MYO3B: variants seen among roughly 807,000 people sequenced by gnomAD.
MYO3B encodes myosin IIIB.
In MYO3B, 156 loss-of-function variants were observed where a neutral mutation model predicts 174.6. The ratio of observed to expected loss-of-function variants is 0.89; its 90% CI spans 0.78 to 1.02. MYO3B has a LOEUF of 1.02. MYO3B is among the 50% of genes least tolerant of loss of function. The pLI is 0.00. For missense variants in MYO3B, 1,632 were observed against 1,639.4 expected (o/e 1.00, Z 0.08); for synonymous variants, 563 against 569.1 (o/e 0.99, Z 0.15).
chr2:170,259,896 GT>G (rs1327055552), intron 7 of MYO3B, among the ~76,000 whole-genome samples: 3 of 151,682 alleles, frequency 2.0e-5, no homozygotes, highest in Non-Finnish European at 4.4e-5. Context: ...CCCTTAAAAA[GT>G]GGGCAAAGGA....
intron 8 of MYO3B, among the ~76,000 whole-genome samples, chr2:170,345,910 T>C (rs1296646687): frequency 6.6e-6 from 1 of 151,888 alleles, no homozygotes; most frequent in Non-Finnish European, 1.5e-5. Flanking sequence ...GAGAGGGACC[T>C]GGAACAGATC....
intron 1 of MYO3B, among the ~76,000 whole-genome samples, chr2:170,190,191 A>C (rs188191109): frequency 2.5e-3 from 380 of 152,174 alleles, no homozygotes; most frequent in African/African-American, 8.8e-3. Flanking sequence ...CTTTCTCCCA[A>C]ACAAACAGAG....
rs61295158 is a variant in MYO3B at position 170,472,673 on chromosome 2, CTATTTATTTATTTATT to C, written c.3014+5992_3014+6007del. 4.2e-3 allele frequency among the ~76,000 whole-genome samples: 599 copies of C among 142,362 alleles called. 3 individuals are homozygous for C. The highest frequency in any genetic ancestry group is 5.4e-3 in the Non-Finnish European group (357 of 66,008). The allele number at this position is 142,362 out of a possible 152,430, so 93.4% of individuals were successfully genotyped here. A position where few individuals can be genotyped will look rare whatever the true frequency, so the allele number is the denominator to read the frequency against. On this transcript the variant is annotated intron_variant, in intron 25 of 34. Transcript: ENST00000408978. ...GGATATTTTTCAGCTCACTTTTTAT[CTATTTATTTATTTATT>C]TATTTATTTATTTATTTATTTATTT...
intron 22 of MYO3B, among the ~76,000 whole-genome samples, chr2:170,433,662 T>G (rs2094728918): frequency 6.6e-6 from 1 of 152,262 alleles, no homozygotes; most frequent in South Asian, 2.1e-4. Context: ...CATGTAAGCA[T>G]GAGCCTCTTC....
At chr2:170,246,712 A>C (rs1384963596) in intron 7 of MYO3B, among the ~76,000 whole-genome samples, 1 of 152,060 alleles carries the variant, frequency 6.6e-6, no homozygotes, top group East Asian at 1.9e-4. Flanking sequence ...TGAAAGCATA[A>C]ATTTCTATTG....
At chr2:170,389,369 G>T (rs978476979) in intron 14 of MYO3B, among the ~76,000 whole-genome samples, 4 of 152,178 alleles carry the variant, frequency 2.6e-5, no homozygotes, top group Admixed American at 2.6e-4. Flanking sequence ...GATGGGGGCT[G>T]CTCTGCCAGC....
At chr2:170,269,515 G>A (rs2093411626) in intron 7 of MYO3B, among the ~76,000 whole-genome samples, 1 of 152,252 alleles carries the variant, frequency 6.6e-6, no homozygotes, top group East Asian at 1.9e-4. Flanking sequence ...ACTTTCAATG[G>A]AAGTATTGAT....
At chr2:170,357,860 T>C (rs1413364424) in intron 8 of MYO3B, among the ~76,000 whole-genome samples, 1 of 152,086 alleles carries the variant, frequency 6.6e-6, no homozygotes, top group African/African-American at 2.4e-5. Flanking sequence ...AGCTTAAAAG[T>C]AGAAACAACC....
intron 22 of MYO3B, among the ~76,000 whole-genome samples, chr2:170,439,555 G>A (rs2094783943): frequency 6.6e-6 from 1 of 152,022 alleles, no homozygotes; most frequent in Admixed American, 6.6e-5. Flanking sequence ...AGAAGTTCTA[G>A]TTTTATGTAG....
chr2:170,627,723 G>T (rs575692991), intron 32 of MYO3B, among the ~76,000 whole-genome samples: 1 of 151,876 alleles, frequency 6.6e-6, no homozygotes, highest in Non-Finnish European at 1.5e-5. Flanking sequence ...TACAGATGGG[G>T]TTTTGGTGTG....
intron 6 of MYO3B, among the ~76,000 whole-genome samples, chr2:170,230,341 T>TTTTTG (rs2093001525): frequency 7.9e-6 from 1 of 126,810 alleles, no homozygotes; most frequent in South Asian, 2.5e-4. Flanking sequence ...GGCTAATTTT[T>TTTTTG]TTTTTTTTTT....
intron 30 of MYO3B, among the ~76,000 whole-genome samples, chr2:170,537,448 ATTTTTTTTTTTTTTTTTTT>A (rs559086883): frequency 1.6e-4 from 9 of 54,804 alleles, no homozygotes; most frequent in Non-Finnish European, 6.4e-5. Flanking sequence ...GAGCTCTTTG[ATTTTTTTTTTTTTTTTTTT>A]TTTTTTTTTT....
intron 7 of MYO3B, among the ~76,000 whole-genome samples, chr2:170,288,233 GGT>G (rs1491169465): frequency 1.4e-5 from 1 of 72,578 alleles, no homozygotes; most frequent in East Asian, 1.1e-3. Context: ...ATAAATTTTA[GGT>G]TTTTTTTTTT....
chr2:170,398,808 C>T lies in MYO3B; in HGVS notation c.1792-1380C>T, dbSNP rs556647570. Among the ~76,000 whole-genome samples, 10 of 152,300 alleles carry T rather than the reference C, an allele frequency of 6.6e-5. No individual in the cohort carries two copies. In the South Asian group the frequency reaches 1.9e-3, roughly 28 times the overall value. The stretch of plus-strand genomic sequence containing the variant: ...TCATATACCAAAATCCAAGCATACT[C>T]GAGTCCTGCAGTCAGGACATGAAAA... On this transcript the variant is annotated intron_variant, in intron 16 of 34. Transcript: ENST00000408978.
At chr2:170,466,456 C>G in intron 24 of MYO3B, 50 bp from the exon 25 acceptor site, 1 of 1,558,850 alleles carries the variant, frequency 6.4e-7, no homozygotes, top group Non-Finnish European at 8.8e-7. Flanking sequence ...TTGTAACTAT[C>G]CATTGTGTTG....
At chr2:170,274,305 G>T (rs897840724) in intron 7 of MYO3B, among the ~76,000 whole-genome samples, 6 of 152,134 alleles carry the variant, frequency 3.9e-5, no homozygotes, top group Admixed American at 3.9e-4. Context: ...CTTGAGGCCT[G>T]TCTGAATGTA....
At chr2:170,489,608 T>C (rs1254045092) in intron 25 of MYO3B, among the ~76,000 whole-genome samples, 2 of 147,314 alleles carry the variant, frequency 1.4e-5, no homozygotes, top group African/African-American at 2.5e-5. Context: ...GCAATCAGGG[T>C]TCTCCAGAGA....
intron 25 of MYO3B, among the ~76,000 whole-genome samples, chr2:170,484,025 G>A (rs900217888): frequency 6.6e-6 from 1 of 152,214 alleles, no homozygotes. Context: ...GAGCACGATG[G>A]TTTAGGGATG....
chr2:170,303,793 T>A (rs2093681788), intron 7 of MYO3B, among the ~76,000 whole-genome samples: 2 of 152,160 alleles, frequency 1.3e-5, no homozygotes, highest in South Asian at 2.1e-4. Flanking sequence ...TATGCATACA[T>A]GTTTTTCTTA....
Sources: gnomAD v4.1 joint callset for allele counts (sites outside exome capture counted in the v4.1 genomes callset) on GRCh38, gnomAD v4.1.1 for gene constraint, MANE v1.5 for transcripts, NCBI Gene and HGNC (gene_info 2026-07-23, HGNC 2026-07-21) for gene names.